Variants in PCBP3 observed in about 807,000 individuals in gnomAD.
PCBP3 encodes poly(rC)-binding protein 3.
In PCBP3, 25 loss-of-function variants were observed where a neutral mutation model predicts 52.7. That is an observed-to-expected ratio of 0.47 (90% CI 0.35 to 0.66). The LOEUF (loss-of-function observed/expected upper bound fraction) is 0.66. Among genes scored for constraint, PCBP3 ranks in the 30% least tolerant of loss-of-function variants. The pLI is 0.01. For missense variants in PCBP3, 391 were observed against 490.3 expected, an observed-to-expected ratio of 0.80 and a Z score of 1.91; for synonymous variants, 162 against 183.0, an observed-to-expected ratio of 0.89 and a Z score of 0.93.
chr21:45,911,969 G>A (rs1399547951), intron 11 of PCBP3, among the ~76,000 whole-genome samples: 2 of 152,238 alleles, frequency 1.3e-5, no homozygotes, highest in Non-Finnish European at 2.9e-5. Flanking sequence ...CCAGTCTCAG[G>A]CCCTGGAGGC....
chr21:45,729,064 C>A (rs2085265746), intron 2 of PCBP3, among the ~76,000 whole-genome samples: 1 of 152,138 alleles, frequency 6.6e-6, no homozygotes, highest in Non-Finnish European at 1.5e-5. Flanking sequence ...ATTAAGTAAT[C>A]ACTCCTGGTC....
At chr21:45,655,390 T>A (rs1320452773) in intron 1 of PCBP3, among the ~76,000 whole-genome samples, 1 of 152,124 alleles carries the variant, frequency 6.6e-6, no homozygotes, top group Non-Finnish European at 1.5e-5. Flanking sequence ...CAGTAATTTA[T>A]GAGGGTTCCA....
intron 3 of PCBP3, among the ~76,000 whole-genome samples, chr21:45,739,171 CCCT>C (rs2086162767): frequency 1.0e-5 from 1 of 99,656 alleles, no homozygotes; most frequent in Non-Finnish European, 2.0e-5. Context: ...CTCTGGGTGG[CCCT>C]CCCCCATCTT....
chr21:45,721,009 A>G (rs958586544), intron 2 of PCBP3, among the ~76,000 whole-genome samples: 11 of 152,236 alleles, frequency 7.2e-5, no homozygotes, highest in African/African-American at 2.7e-4. Context: ...CAGATGTTTG[A>G]AGGTACCTTG....
chr21:45,764,909 G>T (rs543397358), intron 4 of PCBP3, among the ~76,000 whole-genome samples: 1 of 152,224 alleles, frequency 6.6e-6, no homozygotes, highest in African/African-American at 2.4e-5. Flanking sequence ...CTTGGAAGGG[G>T]GGAGGTCTGG....
At chr21:45,929,068 C>T (rs1408912072) in intron 13 of PCBP3, among the ~76,000 whole-genome samples, 1 of 152,232 alleles carries the variant, frequency 6.6e-6, no homozygotes, top group African/African-American at 2.4e-5. Context: ...TGAGCCTCAC[C>T]TTGCCACGTT....
intron 5 of PCBP3, among the ~76,000 whole-genome samples, chr21:45,886,424 C>T (rs539058092): frequency 1.1e-3 from 157 of 145,664 alleles, no homozygotes; most frequent in African/African-American, 4.0e-3. Context: ...CTCATTGCTG[C>T]GGGTGCCAAG....
Position 45,827,027 on chromosome 21 carries a change from G to C in PCBP3, c.-125-22934G>C, listed in dbSNP as rs2093325444. ...GACAGGGACACGTACTCCCAGCTGA[G>C]CCAGGGAGCATCAGGGAGGCTGATG... On this transcript the variant is annotated intron_variant, in intron 4 of 17. Transcript: ENST00000681687. This position sits in a 1 kb window ranked among gnomAD's most constrained non-coding sequence, Gnocchi z 4.3. 6.6e-6 allele frequency among the ~76,000 whole-genome samples: 1 copy of C among 152,140 alleles called. No homozygotes were observed. The highest frequency in any genetic ancestry group is 1.5e-5 in the Non-Finnish European group (1 of 68,030).
At chr21:45,918,592 G>A (rs77816383) in intron 13 of PCBP3, 74 of 116,194 alleles carry the variant, frequency 6.4e-4, no homozygotes, top group African/African-American at 2.5e-3. Flanking sequence ...CCAGTGCTGG[G>A]GGAAGAAGTT....
intron 5 of PCBP3, among the ~76,000 whole-genome samples, chr21:45,892,164 G>C (rs572237387): frequency 2.8e-4 from 43 of 152,282 alleles, no homozygotes; most frequent in African/African-American, 1.0e-3. Flanking sequence ...TCCTTCCTAC[G>C]AGGTGGGCGC....
intron 4 of PCBP3, among the ~76,000 whole-genome samples, chr21:45,836,655 G>A (rs1305936618): frequency 6.6e-6 from 1 of 152,024 alleles, no homozygotes; most frequent in East Asian, 1.9e-4. Flanking sequence ...CCAGGACCAG[G>A]CTAAGCGAGA....
chr21:45,717,530 G>A (rs570415348), intron 2 of PCBP3, among the ~76,000 whole-genome samples: 7 of 152,098 alleles, frequency 4.6e-5, no homozygotes, highest in African/African-American at 1.7e-4. Context: ...TTTTTTGAGT[G>A]TTTTTATCAT....
intron 10 of PCBP3, among the ~76,000 whole-genome samples, chr21:45,910,000 GCTTCCCAAATATGGACCTGGC>G: frequency 3.5e-5 from 1 of 28,762 alleles, no homozygotes; most frequent in Middle Eastern, 0.038. Context: ...CCCCTCACCT[GCTTCCCAAATATGGACCTGGC>G]CCACCCACTG....
intron 1 of PCBP3, among the ~76,000 whole-genome samples, chr21:45,652,081 C>T (rs1160393008): frequency 1.3e-5 from 2 of 152,192 alleles, no homozygotes; most frequent in Non-Finnish European, 2.9e-5. Flanking sequence ...TTTTCTACTC[C>T]TATTCACCCT....
rs748858006 is a variant in PCBP3, at chr21:45,656,173, A to G, written c.-279+12305A>G. Among the ~76,000 whole-genome samples the G allele has an allele frequency of 6.6e-6, 1 of 152,234 alleles. No individual in the cohort carries two copies. Among genetic ancestry groups the G allele is most frequent in the Non-Finnish European group, 1.5e-5 (1 of 68,040 alleles). ...TACCCAAAGGATTATAAATCATTCT[A>G]CTGTAAATACACATGCATGCATATG... On this transcript the variant is annotated intron_variant, in intron 1 of 17. Coordinates refer to ENST00000681687, the MANE Select transcript of PCBP3 (RefSeq NM_001384156.1). The surrounding 1 kb of genome is among the most constrained non-coding windows in gnomAD (Gnocchi z 4.3).
intron 1 of PCBP3, among the ~76,000 whole-genome samples, chr21:45,646,107 C>CTCTCTCTCTCTCTCTGTG (rs1555895746): frequency 1.2e-5 from 1 of 83,782 alleles, no homozygotes; most frequent in African/African-American, 4.8e-5. Flanking sequence ...CTCTCTCTCT[C>CTCTCTCTCTCTCTCTGTG]TGTGTGTGTG....
intron 4 of PCBP3, among the ~76,000 whole-genome samples, chr21:45,811,526 T>A (rs1210385106): frequency 6.6e-6 from 1 of 152,272 alleles, no homozygotes; most frequent in Non-Finnish European, 1.5e-5. Flanking sequence ...TCATCACATC[T>A]GCACAGTCCC....
At position 45,914,108 on chromosome 21, in the gene PCBP3, G is replaced by A. The variant is rs559984852; in HGVS notation, c.675+83G>A. The A allele has an allele frequency of 3.7e-6, 6 of 1,604,974 alleles. No individual in the cohort carries two copies. In the African/African-American group the frequency reaches 6.7e-5, roughly 18 times the overall value. Reference sequence around the variant, plus strand: ...CCGCCGCTGCCCGTTAGTGCACTCAGGTTTTCTCGCCTTCTCACGTGCACG... The same window carrying A: ...CCGCCGCTGCCCGTTAGTGCACTCAAGTTTTCTCGCCTTCTCACGTGCACG... On this transcript the variant is annotated intron_variant, in intron 12 of 17. Coordinates refer to ENST00000681687, the MANE Select transcript of PCBP3 (RefSeq NM_001384156.1).
chr21:45,857,280 G>A (rs1278409485), intron 5 of PCBP3, among the ~76,000 whole-genome samples: 1 of 152,134 alleles, frequency 6.6e-6, no homozygotes, highest in African/African-American at 2.4e-5. Context: ...TGTTATGCCA[G>A]GTTGGAAAGT....
Sources: gnomAD v4.1 joint callset for allele counts (sites outside exome capture counted in the v4.1 genomes callset) on GRCh38, gnomAD v4.1.1 for gene constraint, Gnocchi (gnomAD v3.1) non-coding constraint, MANE v1.5 for transcripts, NCBI Gene and HGNC (gene_info 2026-07-23, HGNC 2026-07-21) for gene names.